Variants in U2SURP observed in about 807,000 individuals in gnomAD.
U2SURP encodes U2 snRNP-associated SURP motif-containing protein.
A neutral mutation model predicts 144.9 loss-of-function variants in U2SURP; 9 were observed. The observed-to-expected ratio is 0.06, with a 90% CI of 0.04 to 0.11. The LOEUF is 0.11. U2SURP is among the 10% of genes least tolerant of loss of function. U2SURP has a pLI of 1.00. For synonymous variants in U2SURP, 408 were observed against 396.8 expected (o/e 1.03, Z -0.33); for missense variants, 724 against 1,226.7 (o/e 0.59, Z 6.12).
At chr3:143,010,757 C>G in intron 1 of U2SURP, 58 bp from the exon 2 acceptor site, 1 of 1,338,204 alleles carries the variant, frequency 7.5e-7, no homozygotes, top group Non-Finnish European at 1.0e-6. Context: ...ACACGAGAGA[C>G]ATGTTTTGTT....
At chr3:143,023,154 T>G in intron 12 of U2SURP, 90 bp downstream of exon 12, 1 of 1,193,508 alleles carries the variant, frequency 8.4e-7, no homozygotes, top group Middle Eastern at 2.4e-4. Context: ...ATAGAAAATG[T>G]GTGTGTAATT....
rs1217551595 is a variant in U2SURP at position 143,014,337 on chromosome 3, A to G, written c.249A>G (p.Ala83=). ...SRPLLENKLK[A]FSIGKMSTAK... is the part of the protein sequence containing the mutation. Reference sequence around the variant, plus strand: ...CTCTTCTGGAAAACAAACTTAAAGCATTCAGTATTGGAAAAATGAGTACAG... The same window carrying G: ...CTCTTCTGGAAAACAAACTTAAAGCGTTCAGTATTGGAAAAATGAGTACAG... Residue 83 remains alanine (A), a synonymous_variant, in exon 4 of 28, where the codon GCA becomes GCG. Transcript: ENST00000473835. 7 of 1,608,474 alleles carry G rather than the reference A, an allele frequency of 4.4e-6. No individual in the cohort carries two copies. Among genetic ancestry groups the G allele is most frequent in the Non-Finnish European group, 5.9e-6 (7 of 1,177,172 alleles).
intron 1 of U2SURP, among the ~76,000 whole-genome samples, chr3:143,003,297 C>T (rs556326920): frequency 6.6e-6 from 1 of 152,250 alleles, no homozygotes; most frequent in East Asian, 1.9e-4. Flanking sequence ...ATCAGAATAT[C>T]TTAACTAATT....
At chr3:143,008,437 A>G (rs995096982) in intron 1 of U2SURP, among the ~76,000 whole-genome samples, 24 of 152,222 alleles carry the variant, frequency 1.6e-4, no homozygotes, top group African/African-American at 5.5e-4. Context: ...TGAACTTTAG[A>G]ATTGTTTTGG....
At chr3:143,051,587 T>G (rs946685712) in intron 25 of U2SURP, among the ~76,000 whole-genome samples, 2 of 128,654 alleles carry the variant, frequency 1.6e-5, no homozygotes, top group Non-Finnish European at 3.1e-5. Context: ...AGGAATTTTG[T>G]TGAGACTGTC....
intron 13 of U2SURP, chr3:143,025,838 T>G (rs1245187687): frequency 6.6e-6 from 1 of 152,120 alleles, no homozygotes; most frequent in Non-Finnish European, 1.5e-5. Flanking sequence ...TTTAAGTAGG[T>G]TTGTTTGAAA....
In U2SURP at chr3:143,022,915, C is replaced by T; in HGVS notation, c.1081C>T (p.His361Tyr). The T allele has an allele frequency of 6.2e-7, 1 of 1,612,390 alleles. No individual in the cohort carries two copies. Among genetic ancestry groups the T allele is most frequent in the Non-Finnish European group, 8.5e-7 (1 of 1,179,326 alleles). The change falls in exon 12 of 28, where the codon CAT becomes TAT. Residue 361 changes from histidine (H) to tyrosine (Y), a missense_variant. This residue lies in a region of U2SURP where 64 missense variants were observed against 164.1 expected (regional missense o/e 0.39). Transcript: ENST00000473835. ...GGGTAAAGCTGTACCTATTCCTCCA[C>T]ATCCAATATACATTCCGCCTTCTAT... ...GWGKAVPIPP[H>Y]PIYIPPSMME...
chr3:143,035,226 A>G (rs569160036), intron 19 of U2SURP, among the ~76,000 whole-genome samples: 4 of 152,252 alleles, frequency 2.6e-5, no homozygotes, highest in African/African-American at 9.6e-5. Context: ...CTTTTTTCAT[A>G]AAACATACAG....
chr3:143,011,955 C>T, intron 2 of U2SURP: 1 of 558,404 alleles, frequency 1.8e-6, no homozygotes, highest in Non-Finnish European at 3.4e-6. Context: ...CAGACATTTT[C>T]TTGAAAATGA....
intron 1 of U2SURP, among the ~76,000 whole-genome samples, chr3:143,003,563 C>T (rs1204983640): frequency 6.6e-6 from 1 of 151,266 alleles, no homozygotes; most frequent in East Asian, 1.9e-4. Context: ...TAGAGGAAAT[C>T]AAAAGTTCTT....
intron 21 of U2SURP, 47 bp from the exon 22 acceptor site, chr3:143,038,061 G>T: frequency 7.2e-7 from 1 of 1,390,362 alleles, no homozygotes; most frequent in Non-Finnish European, 9.8e-7. Flanking sequence ...TAATACTTCG[G>T]GTCATCCACT....
chr3:143,025,862 AATT>A (rs1207436752), intron 13 of U2SURP: 1 of 152,158 alleles, frequency 6.6e-6, no homozygotes, highest in African/African-American at 2.4e-5. Flanking sequence ...ATGAGAAAAT[AATT>A]ATAGTCACCT....
rs1451265841 is a variant in U2SURP, at chr3:143,043,140, A to G, written c.2408A>G (p.Glu803Gly). The change falls in exon 24 of 28, where the codon GAA becomes GGA. Residue 803 changes from glutamate (E) to glycine (G), a missense_variant. This residue lies in a region of U2SURP where 50 missense variants were observed against 48.0 expected (regional missense o/e 1.04). Transcript: ENST00000473835. ...AGTCAAGAAGAAGAAAGTGAAGATG[A>G]AGAAGATACTCAAAGTTCCAAATCT... The part of the protein sequence containing the change: ...NQNQEEESED[E>G]EDTQSSKSEE... 6.2e-7 allele frequency: 1 copy of G among 1,604,426 alleles called. No individual in the cohort carries two copies. Among genetic ancestry groups the G allele is most frequent in the African/African-American group, 1.3e-5 (1 of 74,704 alleles).
intron 7 of U2SURP, among the ~76,000 whole-genome samples, 177 bp downstream of exon 7, chr3:143,020,213 C>T (rs977531961): frequency 1.3e-5 from 2 of 152,176 alleles, no homozygotes; most frequent in African/African-American, 4.8e-5. Context: ...AGCATTTAGT[C>T]CAGCACCTGG....
chr3:143,025,235 A>C (rs534506327), intron 13 of U2SURP, among the ~76,000 whole-genome samples: 33 of 152,300 alleles, frequency 2.2e-4, no homozygotes, highest in Middle Eastern at 3.4e-3. Flanking sequence ...AAAAGCATTC[A>C]CAGGATAGTA....
At chr3:143,048,299 T>C (rs1272538062) in intron 24 of U2SURP, among the ~76,000 whole-genome samples, 2 of 152,230 alleles carry the variant, frequency 1.3e-5, no homozygotes, top group Non-Finnish European at 2.9e-5. Context: ...AGGGATTGTA[T>C]AGTGATTTTT....
intron 12 of U2SURP, among the ~76,000 whole-genome samples, chr3:143,023,705 C>T (rs910493173): frequency 6.6e-6 from 1 of 152,132 alleles, no homozygotes; most frequent in Non-Finnish European, 1.5e-5. Flanking sequence ...TCTGATAATT[C>T]TCAGTGTAGT....
intron 16 of U2SURP, 132 bp downstream of exon 16, chr3:143,028,778 T>A: frequency 1.4e-6 from 1 of 717,386 alleles, no homozygotes; most frequent in African/African-American, 1.9e-5. Flanking sequence ...TAGTAACATC[T>A]TTCATCATGT....
Position 143,016,822 on chromosome 3 carries a change from C to A in U2SURP, c.437-20C>A. On this transcript the variant is annotated intron_variant, in intron 5 of 27. Transcript: ENST00000473835. ...AAATATTGCGAAATTAGTTTTGAAA[C>A]TTAGTATTTTAAATTTCAGAAGAAC... 3 of 1,497,324 alleles carry A rather than the reference C, an allele frequency of 2.0e-6. No homozygotes were observed. Among genetic ancestry groups the A allele is most frequent in the South Asian group, 1.4e-5 (1 of 73,028 alleles). 92.8% of individuals were successfully genotyped at this position (1,497,324 alleles called of 1,614,324 possible).
Sources: allele counts gnomAD v4.1 joint callset (sites outside exome capture counted in the v4.1 genomes callset), GRCh38; gene constraint gnomAD v4.1.1; regional missense constraint gnomAD v4.1.1; transcripts MANE v1.5; gene names NCBI Gene and HGNC (gene_info 2026-07-23, HGNC 2026-07-21).